Variants in FANCD2 observed in about 807,000 individuals in gnomAD.
The protein encoded by FANCD2 is FA complementation group D2.
A neutral mutation model predicts 192.3 loss-of-function variants in FANCD2; 131 were observed. The observed-to-expected ratio is 0.68, with a 90% CI of 0.59 to 0.79. The LOEUF (loss-of-function observed/expected upper bound fraction) is 0.79, where lower values mean the gene tolerates loss of function less well. Ranked by LOEUF, FANCD2 falls within the 30% of genes least tolerant of loss-of-function variation. FANCD2 has a pLI of 0.00. For synonymous variants in FANCD2, 524 were observed against 612.5 expected, an observed-to-expected ratio of 0.86 and a Z score of 2.13; for missense variants, 1,508 against 1,701.6, an observed-to-expected ratio of 0.89 and a Z score of 2.00.
Position 10,101,535 on chromosome 3 carries a change from G to A in FANCD2, c.*273G>A. 1 of 443,436 alleles carries A rather than the reference G, an allele frequency of 2.3e-6. No homozygotes were observed. Among genetic ancestry groups the A allele is most frequent in the Non-Finnish European group, 4.2e-6 (1 of 239,778 alleles). 27.5% of individuals were successfully genotyped at this position (443,436 alleles called of 1,614,324 possible). On this transcript the variant is annotated 3_prime_UTR_variant, in exon 44 of 44. Transcript: ENST00000675286. ...TGAGTAGCTGGGACGACAGGCACAT[G>A]CCACCATGCCCAGCTAATTTTTGTA... is the stretch of plus-strand genomic sequence containing the variant.
At position 10,035,221 on chromosome 3, in the gene FANCD2, T is replaced by A. The variant is rs1365970060; in HGVS notation, c.426T>A (p.Ile142=). 1.2e-6 allele frequency: 2 copies of A among 1,613,544 alleles called. No homozygotes were observed. Among genetic ancestry groups the A allele is most frequent in the African/African-American group, 2.7e-5 (2 of 74,922 alleles). The part of the protein sequence containing the change: ...SKSLIKLLLG[I]DILQPAIIKT... ...GTCTCATCAAACTGCTTCTGGGGAT[T>A]GACATACTGCAGGTAAGACTGTCAC... The change falls in exon 6 of 44, where the codon ATT becomes ATA. Residue 142 remains isoleucine, a synonymous_variant. Coordinates refer to ENST00000675286, the MANE Select transcript of FANCD2 (RefSeq NM_001018115.3).
intron 14 of FANCD2, chr3:10,046,322 G>A (rs1042589798): frequency 1.2e-5 from 5 of 430,060 alleles, no homozygotes; most frequent in African/African-American, 8.2e-5. Context: ...CAAAGTGCTG[G>A]GATTACAGAT....
intron 9 of FANCD2, 117 bp downstream of exon 9, chr3:10,039,962 C>T: frequency 5.2e-6 from 6 of 1,154,752 alleles, no homozygotes; most frequent in Non-Finnish European, 7.6e-6. Flanking sequence ...GATGATACCC[C>T]CCTTCATGAG....
intron 7 of FANCD2, among the ~76,000 whole-genome samples, chr3:10,038,985 T>C (rs1305234497): frequency 6.6e-6 from 1 of 152,194 alleles, no homozygotes; most frequent in Non-Finnish European, 1.5e-5. Context: ...ATTGTCTTTT[T>C]AAAAATTATT....
Position 10,092,075 on chromosome 3 carries a change from A to G in FANCD2, c.3778-106A>G, listed in dbSNP as rs1021293710. 1.6e-5 allele frequency: 14 copies of G among 878,856 alleles called. No individual in the cohort carries two copies. In the Admixed American group the frequency reaches 2.0e-4, roughly 13 times the overall value. The allele number at this position is 878,856 out of a possible 1,614,324, so 54.4% of individuals were successfully genotyped here. A position where few individuals can be genotyped will look rare whatever the true frequency, so the allele number is the denominator to read the frequency against. ...TGCTACATCTAAGGATAATTGGCTT[A>G]AATATCTGTATAGCTATGTAATTCA... On this transcript the variant is annotated intron_variant, in intron 37 of 43. Transcript: ENST00000675286.
chr3:10,051,346 A>G lies in FANCD2; in HGVS notation c.1546-1041A>G, dbSNP rs558337011. Among the ~76,000 whole-genome samples, 20 of 132,134 alleles carry G rather than the reference A, an allele frequency of 1.5e-4. No homozygotes were observed. In the East Asian group the frequency reaches 3.7e-3, roughly 24 times the overall value. The allele number at this position is 132,134 out of a possible 152,430, so 86.7% of individuals were successfully genotyped here. On this transcript the variant is annotated intron_variant, in intron 17 of 43. Coordinates refer to ENST00000675286, the MANE Select transcript of FANCD2 (RefSeq NM_001018115.3). ...CAGTGAGCCGAGATCCCGCCACTGC[A>G]CTCCAGCCTGGGCGACAGAGCGAGA...
Position 10,034,723 on chromosome 3 carries a change from A to G in FANCD2, c.302A>G (p.Glu101Gly), listed in dbSNP as rs2124975173. The part of the protein sequence containing the change: ...KIIEEFVSGL[E>G]SYIEDEDSFR... ...ATAGAAGAATTTGTTAGTGGCCTGG[A>G]GTCTTACATTGAGGATGAAGACAGT... The change falls in exon 5 of 44, where the codon GAG (glutamate) becomes GGG (glycine). Residue 101 changes from glutamate (E) to glycine (G), a missense_variant. Glu to Gly is a moderately conservative substitution (Grantham distance 98). Coordinates refer to ENST00000675286, the MANE Select transcript of FANCD2 (RefSeq NM_001018115.3). 1 of 1,570,830 alleles carries G rather than the reference A, an allele frequency of 6.4e-7. No homozygotes were observed. The highest frequency in any genetic ancestry group is 8.6e-7 in the Non-Finnish European group (1 of 1,157,400).
chr3:10,041,836 ATCTC>A (rs1383580539), intron 10 of FANCD2, 126 bp downstream of exon 10: 1 of 670,292 alleles, frequency 1.5e-6, no homozygotes, highest in Admixed American at 2.4e-5. Context: ...CACATTTGAT[ATCTC>A]TCTTTTTTTT....
intron 30 of FANCD2, among the ~76,000 whole-genome samples, chr3:10,080,610 A>AT (rs1271827487): frequency 1.3e-5 from 2 of 152,212 alleles, no homozygotes; most frequent in African/African-American, 2.4e-5. Flanking sequence ...ATCTCTATAA[A>AT]AAATACAAAA....
chr3:10,026,617 A>G (rs549230330), intron 1 of FANCD2, 144 bp downstream of exon 1: 1 of 158,362 alleles, frequency 6.3e-6, no homozygotes, highest in South Asian at 2.0e-4. Flanking sequence ...AGATGGGATA[A>G]TCCCCACAGG....
intron 7 of FANCD2, among the ~76,000 whole-genome samples, chr3:10,038,244 A>G (rs2086779603): frequency 6.6e-6 from 1 of 152,136 alleles, no homozygotes; most frequent in South Asian, 2.1e-4. Flanking sequence ...TGCTTGCCTC[A>G]GCCCCACAAA....
chr3:10,060,219 A>G (rs985854527), intron 18 of FANCD2, 75 bp from the exon 19 acceptor site: 3 of 990,378 alleles, frequency 3.0e-6, no homozygotes, highest in Non-Finnish European at 4.8e-6. Context: ...TAGTCTAGCT[A>G]TATGGCTCGA....
At chr3:10,051,448 G>A (rs1273172495) in intron 17 of FANCD2, among the ~76,000 whole-genome samples, 2 of 22 alleles carry the variant, frequency 0.091, no homozygotes, top group African/African-American at 0.25. Context: ...GTTGGACACT[G>A]AAAAAGTTGA....
chr3:10,058,172 C>T (rs1414712289), intron 18 of FANCD2: 23 of 328,720 alleles, frequency 7.0e-5, no homozygotes, highest in South Asian at 3.4e-4. Flanking sequence ...ACCTGTCTTC[C>T]GCACGAAGAG....
intron 42 of FANCD2, among the ~76,000 whole-genome samples, chr3:10,097,525 G>C (rs1268007782): frequency 1.3e-5 from 2 of 152,196 alleles, no homozygotes; most frequent in African/African-American, 2.4e-5. Flanking sequence ...ACATGGTTCT[G>C]TTCCGCCCGG....
Position 10,065,514 on chromosome 3 carries a change from G to C in FANCD2, c.2269+20G>C, listed in dbSNP as rs2087695350. 2 of 1,476,724 alleles carry C rather than the reference G, an allele frequency of 1.4e-6. No homozygotes were observed. The highest frequency in any genetic ancestry group is 9.5e-7 in the Non-Finnish European group (1 of 1,054,428). The allele number at this position is 1,476,724 out of a possible 1,614,324, so 91.5% of individuals were successfully genotyped here. A position where few individuals can be genotyped will look rare whatever the true frequency, so the allele number is the denominator to read the frequency against. ...TACTAGGTATGGGATGAAGTCATCA[G>C]ATCCTTTCTTCTTTATACTCTTCCT... On this transcript the variant is annotated intron_variant, in intron 24 of 43. Transcript: ENST00000675286.
At chr3:10,048,093 A>T in intron 16 of FANCD2, 42 bp downstream of exon 16, 1 of 1,612,838 alleles carries the variant, frequency 6.2e-7, no homozygotes, top group Non-Finnish European at 8.5e-7. Flanking sequence ...GAACACAGAA[A>T]GGGAAAATAA....
intron 29 of FANCD2, among the ~76,000 whole-genome samples, chr3:10,077,756 G>A (rs1456485922): frequency 2.0e-5 from 3 of 152,020 alleles, no homozygotes; most frequent in Non-Finnish European, 4.4e-5. Flanking sequence ...GGGCCCAGGT[G>A]TGGTGGTTCA....
At chr3:10,051,160 C>T (rs2087192283) in intron 17 of FANCD2, among the ~76,000 whole-genome samples, 3 of 150,664 alleles carry the variant, frequency 2.0e-5, no homozygotes, top group Admixed American at 2.0e-4. Flanking sequence ...GTGGGCGGAT[C>T]ACGAGGTCAG....
Sources: gnomAD v4.1 joint callset for allele counts (sites outside exome capture counted in the v4.1 genomes callset) on GRCh38, gnomAD v4.1.1 for gene constraint, MANE v1.5 for transcripts, NCBI Gene and HGNC (gene_info 2026-07-23, HGNC 2026-07-21) for gene names.